The following MED12L variants were observed in gnomAD, a reference collection of about 807,000 sequenced individuals.
MED12L encodes the protein mediator complex subunit 12L, also known as mediator of RNA polymerase II transcription subunit 12-like protein.
In MED12L, 60 loss-of-function variants were observed where a neutral mutation model predicts 281.3. The ratio of observed to expected loss-of-function variants is 0.21; its 90% CI spans 0.17 to 0.26. The LOEUF (loss-of-function observed/expected upper bound fraction) is 0.26, where lower values mean the gene tolerates loss of function less well. Among genes scored for constraint, MED12L ranks in the 10% least tolerant of loss-of-function variants. The pLI, the probability that MED12L is intolerant of heterozygous loss-of-function variation, is 1.00. For synonymous variants in MED12L, 974 were observed against 987.2 expected (o/e 0.99, Z 0.25); for missense variants, 2,146 against 2,680.9 (o/e 0.80, Z 4.41).
chr3:151,347,728 A>G (rs961548658), intron 16 of MED12L, among the ~76,000 whole-genome samples: 1 of 152,180 alleles, frequency 6.6e-6, no homozygotes, highest in Non-Finnish European at 1.5e-5. Context: ...ATGTGAATTA[A>G]CAGTAGTGAA....
At chr3:151,380,726 G>C (rs1194964906) in intron 32 of MED12L, among the ~76,000 whole-genome samples, 1 of 151,992 alleles carries the variant, frequency 6.6e-6, no homozygotes, top group African/African-American at 2.4e-5. Flanking sequence ...ATATTAATGA[G>C]ATATATACAA....
intron 16 of MED12L, among the ~76,000 whole-genome samples, chr3:151,241,505 T>C (rs1186928485): frequency 6.6e-6 from 1 of 152,160 alleles, no homozygotes; most frequent in African/African-American, 2.4e-5. Context: ...TCCCCTATAA[T>C]GGATGGGACT....
chr3:151,306,440 CTG>C (rs999227540), intron 16 of MED12L, among the ~76,000 whole-genome samples: 8 of 152,164 alleles, frequency 5.3e-5, no homozygotes, highest in African/African-American at 1.9e-4. Flanking sequence ...TGGGGAAAAA[CTG>C]AGGTTTCTGG....
chr3:151,199,044 G>A (rs1725121659), intron 16 of MED12L: 1 of 1,613,970 alleles, frequency 6.2e-7, no homozygotes, highest in South Asian at 1.1e-5. Flanking sequence ...TGTGTCAGCT[G>A]AAGACAGCGG....
rs1319938818 is a variant in MED12L at position 151,269,430 on chromosome 3, CACACACACACAA to C, written c.2250+75766_2250+75777del. ...ACACACACACACACACACACACACA[CACACACACACAA>C]AATTCAGAGACTTAATGAACAAGCC... On this transcript the variant is annotated intron_variant, in intron 16 of 44. Transcript: ENST00000687756. 1.0e-3 allele frequency: 220 copies of C among 218,860 alleles called. 2 individuals carry two copies. Among genetic ancestry groups the C allele is most frequent in the African/African-American group, 5.0e-3 (211 of 41,868 alleles). 13.6% of individuals were successfully genotyped at this position (218,860 alleles called of 1,614,324 possible).
chr3:151,365,002 A>C lies in MED12L; in HGVS notation c.2981A>C (p.Gln994Pro). ...LFSSACSKVKQTIYNNVMPAN... is the reference protein window; with the variant it reads ...LFSSACSKVKPTIYNNVMPAN... ...AGTAGTGCCTGTTCAAAAGTAAAGC[A>C]AACCATATATAATAACGTGATGCCT... is the stretch of plus-strand genomic sequence containing the variant. Residue 994 changes from glutamine (Q) to proline (P), a missense_variant, in exon 22 of 45, where the codon CAA becomes CCA. Physicochemically the swap from Gln to Pro is moderately conservative, Grantham distance 76 (BLOSUM62 -1). This residue lies in a region of MED12L where 404 missense variants were observed against 603.5 expected (regional missense o/e 0.67). Transcript: ENST00000687756. 6.2e-7 allele frequency: 1 copy of C among 1,614,010 alleles called. No individual in the cohort carries two copies. Among genetic ancestry groups the C allele is most frequent in the East Asian group, 2.2e-5 (1 of 44,892 alleles).
At chr3:151,188,571 A>T (rs1723565878) in intron 13 of MED12L, 91 bp downstream of exon 13, 1 of 1,318,792 alleles carries the variant, frequency 7.6e-7, no homozygotes, top group Admixed American at 2.3e-5. Flanking sequence ...GATCTTATTT[A>T]ATATTCTTGG....
At chr3:151,242,799 C>T (rs1413129705) in intron 16 of MED12L, among the ~76,000 whole-genome samples, 1 of 151,922 alleles carries the variant, frequency 6.6e-6, no homozygotes, top group Non-Finnish European at 1.5e-5. Context: ...AAGAAGGCTT[C>T]AGACGATCAA....
chr3:151,213,244 T>C lies in MED12L; in HGVS notation c.2250+19578T>C, dbSNP rs573077588. The C allele has an allele frequency of 1.8e-5, 23 of 1,303,434 alleles. No individual in the cohort carries two copies. In the Admixed American group the frequency reaches 1.8e-4, roughly 10 times the overall value. 80.7% of individuals were successfully genotyped at this position (1,303,434 alleles called of 1,614,324 possible). A position where few individuals can be genotyped will look rare whatever the true frequency, so the allele number is the denominator to read the frequency against. ...GCACATATCTTATTGATTTCTGTTA[T>C]GTAATTGAAGATGACAACATGCACA... On this transcript the variant is annotated intron_variant, in intron 16 of 44. Transcript: ENST00000687756.
Position 151,382,749 on chromosome 3 carries a change from A to C in MED12L, c.4680+4A>C. 1 of 1,605,486 alleles carries C rather than the reference A, an allele frequency of 6.2e-7. No individual in the cohort carries two copies. ...ATTGCAACTCCGCCTAAATTTGGTA[A>C]GTGACATTTCTAGTATTTTCCCTCC... is the stretch of plus-strand genomic sequence containing the variant. On this transcript the variant is annotated splice_donor_region_variant and intron_variant, in intron 33 of 44. Transcript: ENST00000687756.
intron 20 of MED12L, 40 bp from the exon 21 acceptor site, chr3:151,360,434 C>G (rs1200359959): frequency 5.7e-6 from 9 of 1,589,910 alleles, no homozygotes; most frequent in African/African-American, 2.7e-5. Flanking sequence ...CCACATAGTA[C>G]AAATCTATGT....
At chr3:151,256,505 T>A (rs529097827) in intron 16 of MED12L, among the ~76,000 whole-genome samples, 1 of 152,316 alleles carries the variant, frequency 6.6e-6, no homozygotes, top group African/African-American at 2.4e-5. Flanking sequence ...TGAGGATGGC[T>A]CCATCTTTCT....
intron 39 of MED12L, among the ~76,000 whole-genome samples, chr3:151,399,040 C>T (rs114928805): frequency 0.011 from 1,587 of 141,968 alleles, 12 homozygotes; most frequent in Admixed American, 0.035. Flanking sequence ...AGAGAAGTGG[C>T]GACTACTGAA....
At chr3:151,422,839 AAAG>A (rs1473561592) in intron 43 of MED12L, among the ~76,000 whole-genome samples, 3 of 142,502 alleles carry the variant, frequency 2.1e-5, no homozygotes, top group African/African-American at 2.6e-5. Context: ...TTTTTTTTGA[AAAG>A]AAGAAATTGA....
rs1173514625 is a variant in MED12L, at chr3:151,378,066, A to G, written c.4371A>G (p.Pro1457=). Residue 1457 remains proline (P), a synonymous_variant, in exon 31 of 45, where the codon CCA becomes CCG. Transcript: ENST00000687756. ...TGGCCCCCCTCATCGCCAGGTTGCC[A>G]ACTTCTGTGCAAGGAAGAGTGCTGA... ...WLVAPLIARL[P]TSVQGRVLKA... is the part of the protein sequence containing the mutation. 6.2e-7 allele frequency: 1 copy of G among 1,610,458 alleles called. No homozygotes were observed. The highest frequency in any genetic ancestry group is 1.7e-5 in the Admixed American group (1 of 59,664).
intron 16 of MED12L, chr3:151,198,347 T>C: frequency 9.1e-7 from 1 of 1,095,836 alleles, no homozygotes; most frequent in Non-Finnish European, 1.2e-6. Context: ...TTTTTGTTTT[T>C]TTTTTTTTTA....
chr3:151,136,628 A>G (rs879482006), intron 5 of MED12L, among the ~76,000 whole-genome samples: 24 of 152,186 alleles, frequency 1.6e-4, no homozygotes, highest in Non-Finnish European at 3.1e-4. Flanking sequence ...TTCCTCAATA[A>G]TCTTTTACCT....
chr3:151,349,757 A>G (rs1328287849), intron 16 of MED12L, among the ~76,000 whole-genome samples: 1 of 152,192 alleles, frequency 6.6e-6, no homozygotes, highest in Non-Finnish European at 1.5e-5. Flanking sequence ...ACCATGTTCA[A>G]TTTTAAACAA....
intron 5 of MED12L, among the ~76,000 whole-genome samples, chr3:151,155,876 C>G (rs1719207163): frequency 6.6e-6 from 1 of 152,196 alleles, no homozygotes; most frequent in South Asian, 2.1e-4. Context: ...GTGAACATCT[C>G]TTCTCCTAGG....
Sources: gnomAD v4.1 joint callset for allele counts (sites outside exome capture counted in the v4.1 genomes callset) on GRCh38, gnomAD v4.1.1 for gene constraint, gnomAD v4.1.1 regional missense constraint, MANE v1.5 for transcripts, NCBI Gene and HGNC (gene_info 2026-07-23, HGNC 2026-07-21) for gene names.